C2CD2: variants seen among roughly 807,000 people sequenced by gnomAD.
C2CD2 encodes the protein C2 calcium dependent domain containing 2, also known as C2 domain-containing protein 2.
C2CD2 carries 43 observed loss-of-function variants against 74.3 expected under a neutral mutation model. The observed-to-expected ratio is 0.58, with a 90% CI of 0.45 to 0.75. The LOEUF (loss-of-function observed/expected upper bound fraction) is 0.75. Among genes scored for constraint, C2CD2 ranks in the 30% least tolerant of loss-of-function variants. C2CD2 has a pLI of 0.00. For synonymous variants in C2CD2, 422 were observed against 390.7 expected, an observed-to-expected ratio of 1.08 and a Z score of -0.94; for missense variants, 801 against 916.3, an observed-to-expected ratio of 0.87 and a Z score of 1.63.
chr21:41,912,114 A>G (rs2065032721), intron 7 of C2CD2: 1 of 503,208 alleles, frequency 2.0e-6, no homozygotes, highest in African/African-American at 2.0e-5. Context: ...CTCTCATCAT[A>G]TCAGGGCAGG....
Position 41,907,017 on chromosome 21 carries a change from C to T in C2CD2, c.1293G>A (p.Val431=). The part of the protein sequence containing the change: ...TAVKTKPRVD[V]GRASPLSSDS... ...CAGAGCTCAGCGGGGACGCCCTCCC[C>T]ACGTCGACGCGAGGCTTGGTCTTCA... Residue 431 remains valine (V), a synonymous_variant, in exon 10 of 14, where the codon GTG becomes GTA. Coordinates refer to ENST00000380486, the MANE Select transcript of C2CD2 (RefSeq NM_015500.2). 4 of 1,614,014 alleles carry T rather than the reference C, an allele frequency of 2.5e-6. No individual in the cohort carries two copies. The highest frequency in any genetic ancestry group is 3.4e-6 in the Non-Finnish European group (4 of 1,179,992).
In C2CD2 at chr21:41,900,137, A is replaced by G. The variant is rs1010247471; in HGVS notation, c.1561-775T>C. On this transcript the variant is annotated intron_variant, in intron 12 of 13. Transcript: ENST00000380486. ...AAAGTACAAAAAATTAGCTGGTCGTAGTGGCGGGCGCCTGTACTCCCAGCT... is the reference window on the plus strand; with the variant it reads ...AAAGTACAAAAAATTAGCTGGTCGTGGTGGCGGGCGCCTGTACTCCCAGCT... Among the ~76,000 whole-genome samples the G allele has an allele frequency of 4.6e-5, 7 of 152,140 alleles. 1 individual carries two copies. Among genetic ancestry groups the G allele is most frequent in the Admixed American group, 6.5e-5 (1 of 15,298 alleles).
intron 13 of C2CD2, among the ~76,000 whole-genome samples, chr21:41,897,713 A>G (rs527288388): frequency 6.6e-6 from 1 of 152,240 alleles, no homozygotes; most frequent in East Asian, 1.9e-4. Flanking sequence ...GGAGGGGGGC[A>G]TGGGAGAGGG....
rs549888645 is a variant in C2CD2 at position 41,933,958 on chromosome 21, T to C, written c.378+8189A>G. Among the ~76,000 whole-genome samples, 3 of 152,308 alleles carry C rather than the reference T, an allele frequency of 2.0e-5. No homozygotes were observed. The East Asian group carries it at 5.8e-4, about 29-fold the overall frequency. ...AAAACAAAACAAGAGTCCGTGTGTG[T>C]GTGCTTTTCCTCCGGCAGGAAAAAG... On this transcript the variant is annotated intron_variant, in intron 2 of 13. Transcript: ENST00000380486.
chr21:41,908,581 A>G (rs1029981499), intron 8 of C2CD2: 1 of 152,040 alleles, frequency 6.6e-6, no homozygotes, highest in African/African-American at 2.4e-5. Flanking sequence ...CGGGCATCCC[A>G]GTTTTCTCGG....
chr21:41,942,929 C>G, intron 1 of C2CD2: 6 of 981,796 alleles, frequency 6.1e-6, no homozygotes, highest in Non-Finnish European at 7.3e-6. Context: ...CACCTGTGCC[C>G]GTGGCTCTGC....
chr21:41,909,855 C>T (rs1054348464), intron 7 of C2CD2, among the ~76,000 whole-genome samples: 15 of 151,912 alleles, frequency 9.9e-5, no homozygotes, highest in Non-Finnish European at 1.9e-4. Context: ...TAAAAAATTT[C>T]CATTAATTTA....
Position 41,953,667 on chromosome 21 carries a change from C to G in C2CD2, c.-19G>C, listed in dbSNP as rs1039886065. Reference sequence around the variant, plus strand: ...TGGCCATGGCGCATCCCCGGCCCGCCTCGCCCCAACTTCCCCGGCAGCCCC... The same window carrying G: ...TGGCCATGGCGCATCCCCGGCCCGCGTCGCCCCAACTTCCCCGGCAGCCCC... On this transcript the variant is annotated 5_prime_UTR_variant, in exon 1 of 14. Transcript: ENST00000380486. The G allele has an allele frequency of 2.2e-6, 3 of 1,390,084 alleles. No homozygotes were observed. The highest frequency in any genetic ancestry group is 9.3e-7 in the Non-Finnish European group (1 of 1,076,752). The allele number at this position is 1,390,084 out of a possible 1,614,324, so 86.1% of individuals were successfully genotyped here. A position where few individuals can be genotyped will look rare whatever the true frequency, so the allele number is the denominator to read the frequency against.
intron 13 of C2CD2, among the ~76,000 whole-genome samples, chr21:41,896,491 T>C (rs1293927490): frequency 6.6e-6 from 1 of 152,142 alleles, no homozygotes; most frequent in Non-Finnish European, 1.5e-5. Flanking sequence ...CTCTTAACCA[T>C]TTCTACCGGC....
intron 1 of C2CD2, among the ~76,000 whole-genome samples, chr21:41,943,807 C>T: frequency 6.6e-6 from 1 of 152,232 alleles, no homozygotes; most frequent in East Asian, 1.9e-4. Context: ...CCTTTTCTTA[C>T]ACTGTCTATC....
In C2CD2 at chr21:41,899,119, C is replaced by T. The variant is rs765943407; in HGVS notation, c.1804G>A (p.Asp602Asn). The T allele has an allele frequency of 1.4e-5, 22 of 1,613,836 alleles. No homozygotes were observed. Among genetic ancestry groups the T allele is most frequent in the East Asian group, 1.1e-4 (5 of 44,872 alleles). The change falls in exon 13 of 14, where the codon GAC becomes AAC. Residue 602 changes from aspartate to asparagine, a missense_variant. Transcript: ENST00000380486. The surrounding 1 kb of genome is among the most constrained non-coding windows in gnomAD (Gnocchi z 4.4). ...GAGCTCTCTGACAGCTCATCACCGT[C>T]GGGGTCCAGCAGGACCTGGCTGCTC... ...AWSSQVLLDP[D>N]GDELSESSMS... is the part of the protein sequence containing the mutation.
rs1226248108 is a variant in C2CD2, at chr21:41,953,794, C to CG, written c.-147dup. The CG allele has an allele frequency of 1.4e-6, 1 of 713,018 alleles. No individual in the cohort carries two copies. Among genetic ancestry groups the CG allele is most frequent in the Non-Finnish European group, 1.9e-6 (1 of 526,316 alleles). 44.2% of individuals were successfully genotyped at this position (713,018 alleles called of 1,614,324 possible). ...GTCGGAGCCCGGCGAGGAGCGTGGC[C>CG]GGGGGCCTCTGGGCGGGCAAGCGGG... On this transcript the variant is annotated 5_prime_UTR_variant, in exon 1 of 14. Transcript: ENST00000380486.
At position 41,941,942 on chromosome 21, in the gene C2CD2, G is replaced by A. The variant is rs190491202; in HGVS notation, c.378+205C>T. 2.1e-3 allele frequency among the ~76,000 whole-genome samples: 315 copies of A among 152,246 alleles called. 3 individuals carry two copies. Among genetic ancestry groups the A allele is most frequent in the Admixed American group, 0.016 (237 of 15,290 alleles). On this transcript the variant is annotated intron_variant, in intron 2 of 13. Transcript: ENST00000380486. ...GCACCGGAGCGAGTGTCAGAATCTC[G>A]CTCCTTTTGAAGGCGGAATAACGTC...
chr21:41,902,449 C>A (rs918122841), intron 11 of C2CD2, among the ~76,000 whole-genome samples: 2 of 152,200 alleles, frequency 1.3e-5, no homozygotes, highest in African/African-American at 4.8e-5. Context: ...TTCCACACCC[C>A]ATGAGCAGGT....
intron 12 of C2CD2, chr21:41,901,397 G>A (rs947489077): frequency 2.9e-5 from 17 of 591,596 alleles, no homozygotes; most frequent in East Asian, 5.8e-5. Context: ...CGTGTAAAGC[G>A]TCCCTGATTA....
In C2CD2 at chr21:41,888,172, T is replaced by G. The variant is rs1262399979; in HGVS notation, c.*952A>C. On this transcript the variant is annotated 3_prime_UTR_variant, in exon 14 of 14. Coordinates refer to ENST00000380486, the MANE Select transcript of C2CD2 (RefSeq NM_015500.2). ...CTGACACCTGAGACACAAAATAATT[T>G]CCTCTATTGCCCTAAAAAGACTTTG... 1 of 152,580 alleles carries G rather than the reference T, an allele frequency of 6.6e-6. No homozygotes were observed. The highest frequency in any genetic ancestry group is 1.9e-4 in the East Asian group (1 of 5,192). The allele number at this position is 152,580 out of a possible 1,614,324, so 9.5% of individuals were successfully genotyped here.
In C2CD2 at chr21:41,926,644, A is replaced by G; in HGVS notation, c.379-4559T>C. 2.0e-6 allele frequency: 2 copies of G among 984,570 alleles called. No individual in the cohort carries two copies. Among genetic ancestry groups the G allele is most frequent in the Non-Finnish European group, 1.2e-6 (1 of 829,424 alleles). 61.0% of individuals were successfully genotyped at this position (984,570 alleles called of 1,614,324 possible). On this transcript the variant is annotated intron_variant, in intron 2 of 13. Coordinates refer to ENST00000380486, the MANE Select transcript of C2CD2 (RefSeq NM_015500.2). This position sits in a 1 kb window ranked among gnomAD's most constrained non-coding sequence, Gnocchi z 8.0. The stretch of plus-strand genomic sequence containing the variant: ...GGGCCAAAAAATTCCAGGCACAGTT[A>G]CTCCAGATTTTGCTACTGTTCACCA...
chr21:41,953,574 G>A lies in C2CD2; in HGVS notation c.75C>T (p.Ala25=), dbSNP rs1177066575. The change falls in exon 1 of 14, where the codon GCC becomes GCT. Residue 25 remains alanine (A), a synonymous_variant. Transcript: ENST00000380486. ...CCAGGTACAGGCCTACCGTGGCCAG[G>A]GCCGCGACGAAGAGCGACACCAGCG... ...WLALVSLFVA[A]LATVGLYLAQ... 2.0e-6 allele frequency: 3 copies of A among 1,500,190 alleles called. No homozygotes were observed. Among genetic ancestry groups the A allele is most frequent in the African/African-American group, 1.4e-5 (1 of 69,226 alleles). The allele number at this position is 1,500,190 out of a possible 1,614,324, so 92.9% of individuals were successfully genotyped here. A position where few individuals can be genotyped will look rare whatever the true frequency, so the allele number is the denominator to read the frequency against.
rs1319328313 is a variant in C2CD2 at position 41,892,603 on chromosome 21, G to A, written c.1871-3259C>T. Among the ~76,000 whole-genome samples, 3 of 152,334 alleles carry A rather than the reference G, an allele frequency of 2.0e-5. No individual in the cohort carries two copies. The highest frequency in any genetic ancestry group is 6.5e-5 in the Admixed American group (1 of 15,312). Reference sequence around the variant, plus strand: ...CAACAGGCCTCTAAGGACAACAGGCGTGCAGGCCCTTCCTGGAGAATCTGG... The same window carrying A: ...CAACAGGCCTCTAAGGACAACAGGCATGCAGGCCCTTCCTGGAGAATCTGG... On this transcript the variant is annotated intron_variant, in intron 13 of 13. Transcript: ENST00000380486. This position sits in a 1 kb window ranked among gnomAD's most constrained non-coding sequence, Gnocchi z 4.6.
Sources: allele counts gnomAD v4.1 joint callset (sites outside exome capture counted in the v4.1 genomes callset), GRCh38; gene constraint gnomAD v4.1.1; non-coding constraint Gnocchi (gnomAD v3.1); transcripts MANE v1.5; gene names NCBI Gene and HGNC (gene_info 2026-07-23, HGNC 2026-07-21).